Variants in COL5A1 observed in about 807,000 individuals in gnomAD.
COL5A1 encodes the protein collagen alpha-1(V) chain.
COL5A1 carries 16 observed loss-of-function variants against 263.7 expected under a neutral mutation model. That is an observed-to-expected ratio of 0.06 (90% CI 0.04 to 0.09). The LOEUF (loss-of-function observed/expected upper bound fraction) is 0.09, where lower values mean the gene tolerates loss of function less well. COL5A1 is among the 10% of genes least tolerant of loss of function. The probability of loss-of-function intolerance (pLI) is 1.00; values close to 1 mark genes in which losing one functional copy is unlikely to be tolerated. For missense variants in COL5A1, 2,036 were observed against 2,540.5 expected (o/e 0.80, Z 4.27); for synonymous variants, 1,012 against 1,004.5 (o/e 1.01, Z -0.14).
Position 134,814,818 on chromosome 9 carries a change from G to C in COL5A1, c.3928G>C (p.Glu1310Gln). Residue 1310 changes from glutamate (E) to glutamine (Q), a missense_variant, in exon 50 of 66, where the codon GAG (glutamate) becomes CAG (glutamine). Physicochemically the swap from Glu to Gln is conservative, Grantham distance 29. Coordinates refer to ENST00000371817, the MANE Select transcript of COL5A1 (RefSeq NM_000093.5). ...GPPGPKGERG[E>Q]KGESGPSGAA... Reference sequence around the variant, plus strand: ...CCAGGGACCCAAAGGAGAAAGGGGAGAGAAGGGCGAGTCAGGCCCTTCAGG... The same window carrying C: ...CCAGGGACCCAAAGGAGAAAGGGGACAGAAGGGCGAGTCAGGCCCTTCAGG... The C allele has an allele frequency of 6.4e-7, 1 of 1,552,114 alleles. No homozygotes were observed. The highest frequency in any genetic ancestry group is 8.7e-7 in the Non-Finnish European group (1 of 1,147,314).
At chr9:134,690,458 G>T (rs1453137461) in intron 1 of COL5A1, among the ~76,000 whole-genome samples, 1 of 152,200 alleles carries the variant, frequency 6.6e-6, no homozygotes, top group African/African-American at 2.4e-5. Context: ...GGTCAGCTCC[G>T]CAGTGGGCCT....
At chr9:134,704,578 A>G (rs1213042921) in intron 4 of COL5A1, among the ~76,000 whole-genome samples, 1 of 152,026 alleles carries the variant, frequency 6.6e-6, no homozygotes, top group Non-Finnish European at 1.5e-5. Context: ...CTGGTGAGCC[A>G]TTTTTTCCTG....
At chr9:134,694,195 C>G (rs1833381824) in intron 2 of COL5A1, among the ~76,000 whole-genome samples, 1 of 152,272 alleles carries the variant, frequency 6.6e-6, no homozygotes, top group Non-Finnish European at 1.5e-5. Context: ...AGCTCACACA[C>G]CCCTCGGCAA....
intron 27 of COL5A1, among the ~76,000 whole-genome samples, chr9:134,777,410 C>T (rs915622118): frequency 6.6e-6 from 1 of 152,228 alleles, no homozygotes; most frequent in Non-Finnish European, 1.5e-5. Flanking sequence ...CTGGGGAGTG[C>T]CCTCTAATGG....
intron 46 of COL5A1, 63 bp downstream of exon 46, chr9:134,811,662 G>A (rs1588577806): frequency 7.6e-7 from 1 of 1,320,180 alleles, no homozygotes; most frequent in Non-Finnish European, 1.1e-6. Flanking sequence ...TGTCTTCATT[G>A]TGCTCTCTCC....
At chr9:134,701,682 T>C (rs868461148) in intron 4 of COL5A1, among the ~76,000 whole-genome samples, 1 of 152,196 alleles carries the variant, frequency 6.6e-6, no homozygotes, top group South Asian at 2.1e-4. Flanking sequence ...CTGCCGTCTG[T>C]ATCCGAGGCC....
rs76641637 is a variant in COL5A1 at position 134,673,535 on chromosome 9, G to A, written c.110-17377G>A. 1.0e-3 allele frequency among the ~76,000 whole-genome samples: 151 copies of A among 151,124 alleles called. No individual in the cohort carries two copies. The East Asian group carries it at 0.017, about 17-fold the overall frequency. The stretch of plus-strand genomic sequence containing the variant: ...ATCTATTTGCAATAGAATAAGCCAT[G>A]ACCCTTACCTCAAATAATATACAAA... On this transcript the variant is annotated intron_variant, in intron 1 of 65. Transcript: ENST00000371817.
intron 27 of COL5A1, among the ~76,000 whole-genome samples, chr9:134,777,906 C>T (rs1837110693): frequency 6.6e-6 from 1 of 152,234 alleles, no homozygotes; most frequent in Non-Finnish European, 1.5e-5. Context: ...TGAGCAGGCT[C>T]AACCCTGATT....
At chr9:134,836,757 A>G (rs1460005933) in intron 65 of COL5A1, among the ~76,000 whole-genome samples, 1 of 152,214 alleles carries the variant, frequency 6.6e-6, no homozygotes, top group East Asian at 1.9e-4. Context: ...CTGCTGCCCA[A>G]GGGCTGCACT....
At position 134,744,982 on chromosome 9, in the gene COL5A1, C is replaced by G. The variant is rs550024894; in HGVS notation, c.1495-5560C>G. Among the ~76,000 whole-genome samples, 32 of 152,392 alleles carry G rather than the reference C, an allele frequency of 2.1e-4. No individual in the cohort carries two copies. The South Asian group carries it at 6.2e-3, about 30-fold the overall frequency. On this transcript the variant is annotated intron_variant, in intron 11 of 65. Coordinates refer to ENST00000371817, the MANE Select transcript of COL5A1 (RefSeq NM_000093.5). ...TGTCTGGGTTCACCTCCACACGGCC[C>G]TTCCATGGAGGCTGGTCTGCAGGCT...
intron 41 of COL5A1, 99 bp downstream of exon 41, chr9:134,805,313 C>T: frequency 5.2e-6 from 7 of 1,356,082 alleles, no homozygotes; most frequent in Non-Finnish European, 7.4e-6. Context: ...TGCCCCAGAC[C>T]CCCGAGGAGC....
At chr9:134,704,550 G>A (rs1418848071) in intron 4 of COL5A1, among the ~76,000 whole-genome samples, 1 of 152,200 alleles carries the variant, frequency 6.6e-6, no homozygotes, top group African/African-American at 2.4e-5. Context: ...TCACAGATAG[G>A]TTCCGAATTC....
Position 134,761,909 on chromosome 9 carries a change from C to A in COL5A1, c.1936-16C>A. ...CCTGCTCAGGAGAGGCTGACGTTGA[C>A]CCTTTCACTTCCTAGGGTGACCCTG... On this transcript the variant is annotated splice_polypyrimidine_tract_variant and intron_variant, in intron 18 of 65. Transcript: ENST00000371817. 7 of 1,613,210 alleles carry A rather than the reference C, an allele frequency of 4.3e-6. No individual in the cohort carries two copies. The highest frequency in any genetic ancestry group is 5.9e-6 in the Non-Finnish European group (7 of 1,179,758).
intron 1 of COL5A1, among the ~76,000 whole-genome samples, chr9:134,651,702 C>T (rs1831692015): frequency 6.6e-6 from 1 of 152,110 alleles, no homozygotes; most frequent in African/African-American, 2.4e-5. Context: ...GGCCCGTTGC[C>T]CATGGGCTCT....
chr9:134,685,979 GCCATCCATCCACCCAC>G (rs2132542347), intron 1 of COL5A1, among the ~76,000 whole-genome samples: 1 of 140,728 alleles, frequency 7.1e-6, no homozygotes, highest in South Asian at 2.3e-4. Context: ...CCATCCATTA[GCCATCCATCCACCCAC>G]CCATCCATCC....
intron 41 of COL5A1, among the ~76,000 whole-genome samples, chr9:134,805,794 T>C (rs537342120): frequency 1.3e-5 from 2 of 151,410 alleles, no homozygotes; most frequent in Non-Finnish European, 2.9e-5. Flanking sequence ...CCTGCAGGCA[T>C]GTGGGCCCTG....
intron 6 of COL5A1, 82 bp from the exon 7 acceptor site, chr9:134,730,153 AC>A: frequency 6.3e-7 from 1 of 1,582,724 alleles, no homozygotes. Context: ...AGATGCCTGC[AC>A]CCGGACATGC....
At chr9:134,768,259 C>T (rs900497100) in intron 24 of COL5A1, 151 bp from the exon 25 acceptor site, 8 of 769,980 alleles carry the variant, frequency 1.0e-5, no homozygotes, top group Non-Finnish European at 9.4e-6. Context: ...CGTGGCTGCA[C>T]GCCTCACAGC....
At chr9:134,802,781 C>G in intron 38 of COL5A1, 107 bp from the exon 39 acceptor site, 1 of 853,474 alleles carries the variant, frequency 1.2e-6, no homozygotes, top group Non-Finnish European at 1.9e-6. Flanking sequence ...GTGCCCGCAG[C>G]AGACCTTTGC....
Sources: gnomAD v4.1 joint callset for allele counts (sites outside exome capture counted in the v4.1 genomes callset) on GRCh38, gnomAD v4.1.1 for gene constraint, MANE v1.5 for transcripts, NCBI Gene and HGNC (gene_info 2026-07-23, HGNC 2026-07-21) for gene names.